Variants in INPP5D observed in about 807,000 individuals in gnomAD.
INPP5D encodes the protein phosphatidylinositol 3,4,5-trisphosphate 5-phosphatase 1.
A neutral mutation model predicts 122.9 loss-of-function variants in INPP5D; 33 were observed. The ratio of observed to expected loss-of-function variants is 0.27; its 90% confidence interval spans 0.20 to 0.36. INPP5D has a LOEUF of 0.36. INPP5D is among the 10% of genes least tolerant of loss of function. INPP5D has a pLI of 1.00. For missense variants in INPP5D, 1,053 were observed against 1,412.7 expected (o/e 0.75, Z 4.08); for synonymous variants, 584 against 576.2 (o/e 1.01, Z -0.19).
At position 233,103,653 on chromosome 2, in the gene INPP5D, C is replaced by T. The variant is rs116764395; in HGVS notation, c.199-18454C>T. Among the ~76,000 whole-genome samples the T allele has an allele frequency of 8.8e-3, 1,336 of 151,612 alleles. 8 individuals carry two copies. Among genetic ancestry groups the T allele is most frequent in the Non-Finnish European group, 0.014 (949 of 67,944 alleles). ...GCCCTTCTGTATCCTGGCTGCCTGC[C>T]GAGGGGGTGATCTGCCCAGTGCTAG... On this transcript the variant is annotated intron_variant, in intron 2 of 26. Coordinates refer to ENST00000445964, the MANE Select transcript of INPP5D (RefSeq NM_001017915.3).
rs375779728 is a variant in INPP5D, at chr2:233,198,115, C to T, written c.2714C>T (p.Ser905Phe). Residue 905 changes from serine (S) to phenylalanine (F), a missense_variant, in exon 25 of 27, where the codon TCC becomes TTC. Around this residue, in one of 6 missense-constraint regions of INPP5D, gnomAD observed 417 missense variants for 425.8 expected, o/e 0.98. Transcript: ENST00000445964. The stretch of plus-strand genomic sequence containing the variant: ...TGCAGGGCCCCTCCGTGCAGTGGCT[C>T]CAGCATCACTGAAATCATCAACCCC... ...VTSRAPPCSG[S>F]SITEIINPNY... 358 of 1,609,616 alleles carry T rather than the reference C, an allele frequency of 2.2e-4. No homozygotes were observed. The highest frequency in any genetic ancestry group is 3.0e-4 in the Non-Finnish European group (350 of 1,177,626).
At chr2:233,180,108 C>G (rs988446769) in intron 18 of INPP5D, among the ~76,000 whole-genome samples, 2 of 151,998 alleles carry the variant, frequency 1.3e-5, no homozygotes, top group African/African-American at 4.8e-5. Context: ...TTCCCAGATT[C>G]GAGTGTCACC....
At chr2:233,114,623 AG>A (rs1483334869) in intron 2 of INPP5D, among the ~76,000 whole-genome samples, 1 of 152,160 alleles carries the variant, frequency 6.6e-6, no homozygotes, top group Admixed American at 6.5e-5. Flanking sequence ...TGCCTGGGTC[AG>A]TGGGCTCCGA....
chr2:233,130,665 G>C lies in INPP5D; in HGVS notation c.665+17G>C. On this transcript the variant is annotated intron_variant, in intron 5 of 26. Transcript: ENST00000445964. The stretch of plus-strand genomic sequence containing the variant: ...GCTCTATGGGTAATGGCTGGCCCAC[G>C]GGGGCGGGCAGGTGGGGGCGGCCAC... 1 of 1,613,444 alleles carries C rather than the reference G, an allele frequency of 6.2e-7. No individual in the cohort carries two copies. Among genetic ancestry groups the C allele is most frequent in the Non-Finnish European group, 8.5e-7 (1 of 1,179,590 alleles).
chr2:233,129,290 G>A (rs914976566), intron 4 of INPP5D, among the ~76,000 whole-genome samples: 1 of 152,212 alleles, frequency 6.6e-6, no homozygotes, highest in African/African-American at 2.4e-5. Flanking sequence ...TAATATCTGA[G>A]TCATAAAATT....
At chr2:233,155,742 T>C (rs148846867) in intron 9 of INPP5D, among the ~76,000 whole-genome samples, 7,726 of 152,094 alleles carry the variant, frequency 0.051, 655 homozygotes, top group African/African-American at 0.18. Context: ...GAAAATTTAT[T>C]AAAGAATTCA....
chr2:233,088,914 C>T (rs981959179), intron 2 of INPP5D, among the ~76,000 whole-genome samples: 1 of 152,188 alleles, frequency 6.6e-6, no homozygotes, highest in Non-Finnish European at 1.5e-5. Flanking sequence ...CCGATCGGGG[C>T]CCAGGCGCGA....
At chr2:233,169,538 C>G in intron 14 of INPP5D, 137 bp downstream of exon 14, 1 of 1,347,004 alleles carries the variant, frequency 7.4e-7, no homozygotes, top group Non-Finnish European at 1.0e-6. Context: ...TCAGGGCCCA[C>G]CACAGTCTCA....
In INPP5D at chr2:233,078,156, G is replaced by T. The variant is rs1170640331; in HGVS notation, c.135-1179G>T. 6.6e-6 allele frequency among the ~76,000 whole-genome samples: 1 copy of T among 152,322 alleles called. No individual in the cohort carries two copies. The highest frequency in any genetic ancestry group is 2.4e-5 in the African/African-American group (1 of 41,578). On this transcript the variant is annotated intron_variant, in intron 1 of 26. Transcript: ENST00000445964. The surrounding 1 kb of genome is among the most constrained non-coding windows in gnomAD (Gnocchi z 4.6). ...CCCTCGATCTCCTGACAGCCTTCTG[G>T]CCTCAGCAGCCGATGGATTCCATGG...
chr2:233,168,335 C>A lies in INPP5D; in HGVS notation c.1556-970C>A, dbSNP rs375841841. 3.2e-4 allele frequency among the ~76,000 whole-genome samples: 48 copies of A among 152,346 alleles called. 1 individual carries two copies. Among genetic ancestry groups the A allele is most frequent in the East Asian group, 2.3e-3 (12 of 5,186 alleles). On this transcript the variant is annotated intron_variant, in intron 13 of 26. Transcript: ENST00000445964. ...CACAACCTGTCTCATTTTGTACCAG[C>A]CACATTTCAGGTGTTTGATAGTCAC... is the stretch of plus-strand genomic sequence containing the variant.
At chr2:233,203,216 G>A (rs537329760) in intron 25 of INPP5D, among the ~76,000 whole-genome samples, 34 of 152,256 alleles carry the variant, frequency 2.2e-4, no homozygotes, top group African/African-American at 5.1e-4. Context: ...CTTCCTGAGC[G>A]GTCATGCAAA....
intron 2 of INPP5D, among the ~76,000 whole-genome samples, chr2:233,111,669 G>A (rs748376844): frequency 2.2e-4 from 33 of 152,194 alleles, no homozygotes; most frequent in African/African-American, 5.1e-4. Context: ...GTACAATGGC[G>A]CTCTGCTGTT....
chr2:233,126,457 T>G (rs1157347895), intron 4 of INPP5D, among the ~76,000 whole-genome samples: 6 of 152,204 alleles, frequency 3.9e-5, no homozygotes, highest in Non-Finnish European at 8.8e-5. Context: ...ACTTGGCGTG[T>G]TCCTATTTCC....
intron 5 of INPP5D, among the ~76,000 whole-genome samples, chr2:233,138,912 A>ATTTTTTTTTTTTTTTTTTT (rs759201099): frequency 2.8e-5 from 4 of 140,428 alleles, no homozygotes; most frequent in African/African-American, 7.9e-5. Flanking sequence ...CACCTGGCTA[A>ATTTTTTTTTTTTTTTTTTT]TTTTTTTTTT....
intron 21 of INPP5D, among the ~76,000 whole-genome samples, chr2:233,186,183 C>T (rs922480772): frequency 6.6e-6 from 1 of 152,172 alleles, no homozygotes; most frequent in Non-Finnish European, 1.5e-5. Context: ...ATCTAGAGGT[C>T]AGCTCGTCTA....
Position 233,160,957 on chromosome 2 carries a change from A to G in INPP5D, c.1138-767A>G, listed in dbSNP as rs1262472093. On this transcript the variant is annotated intron_variant, in intron 10 of 26. Coordinates refer to ENST00000445964, the MANE Select transcript of INPP5D (RefSeq NM_001017915.3). The surrounding 1 kb of genome is among the most constrained non-coding windows in gnomAD (Gnocchi z 4.2). ...GCCCAAATGTTTTATTAAAAATGCA[A>G]TGATGCTATTCATATCATTTGTCAA... 1.3e-5 allele frequency among the ~76,000 whole-genome samples: 2 copies of G among 151,828 alleles called. No individual in the cohort carries two copies. The highest frequency in any genetic ancestry group is 2.9e-5 in the Non-Finnish European group (2 of 67,946).
At chr2:233,163,025 T>C (rs1694236553) in intron 11 of INPP5D, among the ~76,000 whole-genome samples, 1 of 152,128 alleles carries the variant, frequency 6.6e-6, no homozygotes. Context: ...GGGCACCCAC[T>C]TTGAGCCTCT....
At chr2:233,096,159 G>A (rs1692133627) in intron 2 of INPP5D, among the ~76,000 whole-genome samples, 1 of 152,180 alleles carries the variant, frequency 6.6e-6, no homozygotes, top group African/African-American at 2.4e-5. Flanking sequence ...CTGGGTTGAA[G>A]GAATGCGTAT....
At chr2:233,122,717 G>A (rs1693026432) in intron 3 of INPP5D, among the ~76,000 whole-genome samples, 1 of 152,200 alleles carries the variant, frequency 6.6e-6, no homozygotes, top group Admixed American at 6.5e-5. Context: ...CGAGGCAGGA[G>A]GATCCCTTGA....
Sources: gnomAD v4.1 joint callset for allele counts (sites outside exome capture counted in the v4.1 genomes callset) on GRCh38, gnomAD v4.1.1 for gene constraint, gnomAD v4.1.1 regional missense constraint, Gnocchi (gnomAD v3.1) non-coding constraint, MANE v1.5 for transcripts, NCBI Gene and HGNC (gene_info 2026-07-23, HGNC 2026-07-21) for gene names.